MAD1L1: variants seen among roughly 807,000 people sequenced by gnomAD.
MAD1L1 encodes the protein mitotic arrest deficient 1 like 1.
A neutral mutation model predicts 96.9 loss-of-function variants in MAD1L1; 95 were observed. The ratio of observed to expected loss-of-function variants is 0.98; its 90% CI spans 0.83 to 1.16. MAD1L1 has a LOEUF of 1.16. Ranked by LOEUF, MAD1L1 falls within the 50% of genes most tolerant of loss-of-function variation. The pLI, the probability that MAD1L1 is intolerant of heterozygous loss-of-function variation, is 0.00. For missense variants in MAD1L1, 1,007 were observed against 954.4 expected, an observed-to-expected ratio of 1.06 and a Z score of -0.73; for synonymous variants, 473 against 396.6, an observed-to-expected ratio of 1.19 and a Z score of -2.29.
At chr7:1,925,786 A>AC (rs1789054134) in intron 17 of MAD1L1, among the ~76,000 whole-genome samples, 1 of 152,238 alleles carries the variant, frequency 6.6e-6, no homozygotes, top group African/African-American at 2.4e-5. Flanking sequence ...CTAATGCAGC[A>AC]CTCAGATGCA....
intron 17 of MAD1L1, among the ~76,000 whole-genome samples, chr7:1,907,832 C>T (rs1271459542): frequency 3.3e-5 from 5 of 152,228 alleles, no homozygotes; most frequent in Admixed American, 6.5e-5. Flanking sequence ...ATCTGAGTGG[C>T]GGGCCTGAGT....
rs1783160420 is a variant in MAD1L1 at position 1,840,022 on chromosome 7, G to T, written c.1999-23794C>A. ...GCTGCGCATCCAGCACCTGCAGCGG[G>T]GCCCAGCACGGCGGGCATTCCACAT... is the stretch of plus-strand genomic sequence containing the variant. On this transcript the variant is annotated intron_variant, in intron 18 of 18. Coordinates refer to ENST00000265854, the MANE Select transcript of MAD1L1 (RefSeq NM_001013836.2). 2.6e-5 allele frequency among the ~76,000 whole-genome samples: 4 copies of T among 152,342 alleles called. No individual in the cohort carries two copies. The South Asian group carries it at 8.3e-4, about 32-fold the overall frequency.
intron 10 of MAD1L1, among the ~76,000 whole-genome samples, chr7:2,166,905 G>A (rs889583295): frequency 2.0e-5 from 3 of 152,220 alleles, no homozygotes; most frequent in Admixed American, 6.5e-5. Context: ...ACACCTGGGC[G>A]GCGCACTCCG....
chr7:1,982,238 C>T (rs1780939566), intron 14 of MAD1L1, among the ~76,000 whole-genome samples: 1 of 151,964 alleles, frequency 6.6e-6, no homozygotes, highest in South Asian at 2.1e-4. Context: ...TATTCTGAGA[C>T]AGAGTCTCGC....
intron 12 of MAD1L1, among the ~76,000 whole-genome samples, chr7:2,042,402 C>T (rs1484893348): frequency 1.3e-5 from 2 of 152,220 alleles, no homozygotes; most frequent in South Asian, 2.1e-4. Context: ...CTGCCACCAC[C>T]GACCTTTTCA....
chr7:2,128,635 G>T (rs1307586131), intron 11 of MAD1L1, among the ~76,000 whole-genome samples: 1 of 151,962 alleles, frequency 6.6e-6, no homozygotes, highest in East Asian at 1.9e-4. Flanking sequence ...CAGAAAACAC[G>T]ATGTGTCTGC....
chr7:2,192,602 C>A (rs1253565532), intron 10 of MAD1L1, among the ~76,000 whole-genome samples: 1 of 152,118 alleles, frequency 6.6e-6, no homozygotes, highest in African/African-American at 2.4e-5. Context: ...TGTGACTATG[C>A]CCCAGGCTCC....
At chr7:1,852,122 G>A (rs1439383717) in intron 18 of MAD1L1, among the ~76,000 whole-genome samples, 2 of 152,234 alleles carry the variant, frequency 1.3e-5, no homozygotes, top group East Asian at 1.9e-4. Context: ...CCCAGACTTG[G>A]GGCAGAGCGG....
At chr7:2,113,779 T>C (rs1229710410) in intron 11 of MAD1L1, among the ~76,000 whole-genome samples, 3 of 152,194 alleles carry the variant, frequency 2.0e-5, no homozygotes, top group Admixed American at 6.5e-5. Flanking sequence ...ACATCCCTTT[T>C]AAGATTTTCT....
intron 11 of MAD1L1, among the ~76,000 whole-genome samples, chr7:2,075,850 T>C (rs1562662798): frequency 6.6e-6 from 1 of 152,152 alleles, no homozygotes; most frequent in Non-Finnish European, 1.5e-5. Context: ...CCACACACTC[T>C]TTGTCTACCT....
chr7:2,087,930 CAG>C (rs1786006863), intron 11 of MAD1L1, among the ~76,000 whole-genome samples: 1 of 152,172 alleles, frequency 6.6e-6, no homozygotes, highest in Non-Finnish European at 1.5e-5. Flanking sequence ...GGAGAGGAAA[CAG>C]AATTCAACAG....
In MAD1L1 at chr7:2,226,046, A is replaced by C. The variant is rs1793876671; in HGVS notation, c.151-496T>G. 2.0e-5 allele frequency among the ~76,000 whole-genome samples: 3 copies of C among 152,064 alleles called. No homozygotes were observed. The South Asian group carries it at 6.2e-4, about 32-fold the overall frequency. On this transcript the variant is annotated intron_variant, in intron 3 of 18. Coordinates refer to ENST00000265854, the MANE Select transcript of MAD1L1 (RefSeq NM_001013836.2). ...TGCCACACGGCCCTCTCCATCTCCAAAGTCAACCACGTCCAATCTCCCTCA... is the reference window on the plus strand; with the variant it reads ...TGCCACACGGCCCTCTCCATCTCCACAGTCAACCACGTCCAATCTCCCTCA...
intron 11 of MAD1L1, among the ~76,000 whole-genome samples, chr7:2,104,461 G>A (rs7805888): frequency 0.049 from 7,412 of 152,292 alleles, 588 homozygotes; most frequent in African/African-American, 0.16. Context: ...AAACACGCTG[G>A]TGCCTACAGG....
chr7:1,890,607 CAA>C (rs1182997513), intron 18 of MAD1L1, among the ~76,000 whole-genome samples: 2 of 152,234 alleles, frequency 1.3e-5, no homozygotes, highest in Middle Eastern at 3.2e-3. Context: ...ACATAACAGG[CAA>C]AGACACCAGG....
intron 10 of MAD1L1, among the ~76,000 whole-genome samples, chr7:2,197,671 G>A (rs1025231753): frequency 5.9e-5 from 9 of 152,242 alleles, no homozygotes; most frequent in African/African-American, 2.2e-4. Context: ...CTCCAGACTC[G>A]GGCCAGCTGT....
At chr7:2,187,004 G>A (rs1403600918) in intron 10 of MAD1L1, among the ~76,000 whole-genome samples, 1 of 151,942 alleles carries the variant, frequency 6.6e-6, no homozygotes, top group East Asian at 1.9e-4. Context: ...TGTTGGCCAG[G>A]CTGATCTTGA....
At chr7:2,161,940 C>T (rs930131362) in intron 10 of MAD1L1, among the ~76,000 whole-genome samples, 1 of 144,612 alleles carries the variant, frequency 6.9e-6, no homozygotes, top group South Asian at 2.2e-4. Flanking sequence ...TGGGGGGCAG[C>T]CCCCACCCGG....
chr7:2,046,020 G>A (rs993829382), intron 12 of MAD1L1, among the ~76,000 whole-genome samples: 64 of 152,162 alleles, frequency 4.2e-4, no homozygotes, highest in African/African-American at 1.5e-3. Flanking sequence ...TGTAAGGGAA[G>A]GACTTCCTGG....
intron 18 of MAD1L1, among the ~76,000 whole-genome samples, chr7:1,890,129 G>A (rs981360907): frequency 3.9e-5 from 6 of 152,366 alleles, no homozygotes; most frequent in African/African-American, 9.6e-5. Context: ...TGGACCACAC[G>A]CTCTGTCTGG....
Sources: allele counts gnomAD v4.1 joint callset (sites outside exome capture counted in the v4.1 genomes callset), GRCh38; gene constraint gnomAD v4.1.1; transcripts MANE v1.5; gene names NCBI Gene and HGNC (gene_info 2026-07-23, HGNC 2026-07-21).